Variants in TMEM117 observed in about 807,000 individuals in gnomAD.
TMEM117 encodes transmembrane protein 117.
A neutral mutation model predicts 52.4 loss-of-function variants in TMEM117; 27 were observed. The observed-to-expected ratio is 0.51, with a 90% CI of 0.38 to 0.71. The LOEUF (loss-of-function observed/expected upper bound fraction) is 0.71. TMEM117 is among the 30% of genes least tolerant of loss of function. The pLI is 0.00. For missense variants in TMEM117, 556 were observed against 630.5 expected, an observed-to-expected ratio of 0.88 and a Z score of 1.26; for synonymous variants, 215 against 206.3, an observed-to-expected ratio of 1.04 and a Z score of -0.36.
chr12:44,361,741 A>G (rs1260002870), intron 6 of TMEM117, among the ~76,000 whole-genome samples: 1 of 152,134 alleles, frequency 6.6e-6, no homozygotes, highest in Non-Finnish European at 1.5e-5. Flanking sequence ...GTAATAGAAG[A>G]TTCTTTGGTG....
intron 3 of TMEM117, among the ~76,000 whole-genome samples, chr12:44,129,658 C>T (rs1948383554): frequency 6.6e-6 from 1 of 152,138 alleles, no homozygotes; most frequent in Non-Finnish European, 1.5e-5. Context: ...TAGATTTAAG[C>T]TCTACCTTGT....
intron 3 of TMEM117, among the ~76,000 whole-genome samples, chr12:44,051,955 A>G (rs1476238313): frequency 6.6e-6 from 1 of 152,208 alleles, no homozygotes; most frequent in African/African-American, 2.4e-5. Flanking sequence ...CTGGGTCAGT[A>G]AGGTCTGGGT....
chr12:43,906,794 A>G (rs1438050976), intron 2 of TMEM117, among the ~76,000 whole-genome samples: 1 of 152,262 alleles, frequency 6.6e-6, no homozygotes, highest in Non-Finnish European at 1.5e-5. Flanking sequence ...CGACAGGCTT[A>G]AAAAACGGCG....
At chr12:44,165,283 A>C (rs1470504300) in intron 4 of TMEM117, among the ~76,000 whole-genome samples, 1 of 152,212 alleles carries the variant, frequency 6.6e-6, no homozygotes, top group Non-Finnish European at 1.5e-5. Context: ...AAATCACAAT[A>C]AGCAATGAGA....
At chr12:44,165,901 A>G (rs1332513255) in intron 4 of TMEM117, among the ~76,000 whole-genome samples, 2 of 152,254 alleles carry the variant, frequency 1.3e-5, no homozygotes, top group Non-Finnish European at 2.9e-5. Context: ...GGAACATTTT[A>G]TTCAACAGCT....
chr12:44,395,782 G>A, the TMEM117 span, among the ~76,000 whole-genome samples: 3 of 152,194 alleles, frequency 2.0e-5, no homozygotes, highest in African/African-American at 7.2e-5. Context: ...AGAATTTTCA[G>A]GAATAGACTT....
At chr12:43,800,564 A>T in the TMEM117 span, 2 of 1,514,076 alleles carry the variant, frequency 1.3e-6, no homozygotes, top group South Asian at 2.3e-5. Context: ...TAGTTTATAG[A>T]TGAAAACATA....
chr12:43,897,422 C>A (rs889463597), intron 2 of TMEM117, among the ~76,000 whole-genome samples: 3 of 151,412 alleles, frequency 2.0e-5, no homozygotes. Flanking sequence ...AGTGATTCTC[C>A]TGCCTCAGTC....
chr12:43,909,614 GA>G (rs1944458085), intron 2 of TMEM117, among the ~76,000 whole-genome samples: 1 of 150,918 alleles, frequency 6.6e-6, no homozygotes, highest in Non-Finnish European at 1.5e-5. Context: ...GACTAATAAA[GA>G]AAAAAAGAAG....
intron 6 of TMEM117, among the ~76,000 whole-genome samples, chr12:44,343,240 A>G (rs986775512): frequency 6.6e-6 from 1 of 152,058 alleles, no homozygotes; most frequent in Non-Finnish European, 1.5e-5. Context: ...GGCATGAGCC[A>G]CCACACCCGG....
At chr12:43,910,674 A>G (rs1944483061) in intron 2 of TMEM117, among the ~76,000 whole-genome samples, 2 of 145,564 alleles carry the variant, frequency 1.4e-5, no homozygotes, top group African/African-American at 5.1e-5. Context: ...AATGTACAAA[A>G]ATCACAAGCA....
At chr12:43,930,749 C>T (rs890044651) in intron 2 of TMEM117, among the ~76,000 whole-genome samples, 81 of 152,266 alleles carry the variant, frequency 5.3e-4, no homozygotes, top group African/African-American at 1.9e-3. Context: ...AATTATTGTT[C>T]CTTTCAAATA....
intron 3 of TMEM117, among the ~76,000 whole-genome samples, chr12:44,019,693 T>C (rs1336404522): frequency 1.3e-5 from 2 of 152,240 alleles, no homozygotes; most frequent in South Asian, 2.1e-4. Context: ...AGTGTAAATA[T>C]GTGTAGATTA....
intron 2 of TMEM117, 49 bp from the exon 3 acceptor site, chr12:43,944,161 A>T: frequency 6.7e-7 from 1 of 1,493,662 alleles, no homozygotes; most frequent in Non-Finnish European, 9.1e-7. Flanking sequence ...AAGATCCATG[A>T]ATTTTGAGTT....
At chr12:43,930,004 A>G (rs1246984891) in intron 2 of TMEM117, among the ~76,000 whole-genome samples, 1 of 152,204 alleles carries the variant, frequency 6.6e-6, no homozygotes, top group African/African-American at 2.4e-5. Context: ...GTAGAGGTTC[A>G]TGATGATACA....
chr12:44,187,058 CCTTA>C (rs1204204350), intron 4 of TMEM117, among the ~76,000 whole-genome samples: 10 of 152,100 alleles, frequency 6.6e-5, no homozygotes, highest in African/African-American at 1.9e-4. Flanking sequence ...ATTTAGCCAT[CCTTA>C]CTTAATTCTC....
chr12:44,012,497 T>G (rs1470442040), intron 3 of TMEM117, among the ~76,000 whole-genome samples: 1 of 152,008 alleles, frequency 6.6e-6, no homozygotes, highest in Admixed American at 6.6e-5. Flanking sequence ...TTATTTTCTT[T>G]TTTTTTCCTC....
chr12:43,971,021 T>A (rs1945577050), intron 3 of TMEM117, among the ~76,000 whole-genome samples: 1 of 151,474 alleles, frequency 6.6e-6, no homozygotes, highest in African/African-American at 2.5e-5. Flanking sequence ...CTTGCCACCC[T>A]CTCTGTTCCA....
chr12:43,877,259 T>A (rs1344781614), intron 2 of TMEM117, among the ~76,000 whole-genome samples: 1 of 152,214 alleles, frequency 6.6e-6, no homozygotes, highest in Non-Finnish European at 1.5e-5. Flanking sequence ...AACTTTGATC[T>A]TCAATTTGGA....
Sources: allele counts gnomAD v4.1 joint callset (sites outside exome capture counted in the v4.1 genomes callset), GRCh38; gene constraint gnomAD v4.1.1; transcripts MANE v1.5; gene names NCBI Gene and HGNC (gene_info 2026-07-23, HGNC 2026-07-21).